EPCAM: variants seen among roughly 807,000 people sequenced by gnomAD.
EPCAM encodes adenocarcinoma-associated antigen.
A neutral mutation model predicts 40.0 loss-of-function variants in EPCAM; 39 were observed. That is an observed-to-expected ratio of 0.98 (90% CI 0.76 to 1.27). The LOEUF (loss-of-function observed/expected upper bound fraction) is 1.27. Among genes scored for constraint, EPCAM ranks in the 50% most tolerant of loss-of-function variants. EPCAM has a pLI of 0.00. For missense variants in EPCAM, 503 were observed against 381.2 expected (o/e 1.32, Z -2.66); for synonymous variants, 168 against 132.3 (o/e 1.27, Z -1.85).
intron 7 of EPCAM, among the ~76,000 whole-genome samples, chr2:47,383,697 C>T (rs375405683): frequency 2.4e-4 from 29 of 119,048 alleles, no homozygotes; most frequent in South Asian, 6.2e-4. Flanking sequence ...TGCAGTGGCA[C>T]GATCTCGGCT....
In EPCAM at chr2:47,376,175, G is replaced by A. The variant is rs546488023; in HGVS notation, c.492-839G>A. The stretch of plus-strand genomic sequence containing the variant: ...TTCTTGGCCTTTCTTTGTCTTCCAT[G>A]AACTTGCTATTTTTAAAGAGCATGG... On this transcript the variant is annotated intron_variant, in intron 4 of 8. Coordinates refer to ENST00000263735, the MANE Select transcript of EPCAM (RefSeq NM_002354.3). Among the ~76,000 whole-genome samples, 6 of 150,652 alleles carry A rather than the reference G, an allele frequency of 4.0e-5. No homozygotes were observed. The East Asian group carries it at 9.8e-4, about 24-fold the overall frequency.
At chr2:47,371,022 A>G (rs1671248189) in intron 1 of EPCAM, among the ~76,000 whole-genome samples, 1 of 151,548 alleles carries the variant, frequency 6.6e-6, no homozygotes, top group Non-Finnish European at 1.5e-5. Context: ...GAATATTTGT[A>G]TTTGTAGAGA....
At chr2:47,380,956 T>A (rs898515579) in intron 7 of EPCAM, among the ~76,000 whole-genome samples, 4 of 151,000 alleles carry the variant, frequency 2.6e-5, no homozygotes, top group African/African-American at 9.8e-5. Flanking sequence ...CTGGGCGTGG[T>A]GGCACATGCC....
chr2:47,384,607 G>A (rs769383975), intron 7 of EPCAM, among the ~76,000 whole-genome samples: 16 of 151,642 alleles, frequency 1.1e-4, no homozygotes, highest in Middle Eastern at 6.8e-3. Context: ...GTAGAGTCGG[G>A]GGGTTTCATC....
chr2:47,373,205 T>TAA (rs777057814), intron 1 of EPCAM, among the ~76,000 whole-genome samples: 1,139 of 64,882 alleles, frequency 0.018, 105 homozygotes, highest in African/African-American at 0.043. Context: ...ACCCTATCTT[T>TAA]AAAAAAAAAA....
Position 47,370,587 on chromosome 2 carries a change from T to G in EPCAM, c.76+1006T>G, listed in dbSNP as rs1671234154. Among the ~76,000 whole-genome samples, 3 of 151,732 alleles carry G rather than the reference T, an allele frequency of 2.0e-5. No homozygotes were observed. The South Asian group carries it at 6.3e-4, about 32-fold the overall frequency. On this transcript the variant is annotated intron_variant, in intron 1 of 8. Transcript: ENST00000263735. ...ACCGTGCCCGGCCTATTTTATTTTT[T>G]TATTTGAAACAGCCTTGTTCTGTCA...
At chr2:47,371,512 G>T in intron 1 of EPCAM, among the ~76,000 whole-genome samples, 1 of 152,214 alleles carries the variant, frequency 6.6e-6, no homozygotes, top group East Asian at 1.9e-4. Flanking sequence ...TTCACCAATG[G>T]AGTGGCCTAA....
At chr2:47,377,685 C>T (rs1036417603) in intron 5 of EPCAM, 12 of 367,492 alleles carry the variant, frequency 3.3e-5, no homozygotes, top group African/African-American at 6.7e-5. Flanking sequence ...GCTCCAGTAA[C>T]ATCTTAAAGT....
At chr2:47,381,408 A>AG (rs1327364050) in intron 7 of EPCAM, among the ~76,000 whole-genome samples, 3 of 151,022 alleles carry the variant, frequency 2.0e-5, no homozygotes, top group African/African-American at 4.9e-5. Context: ...AAAAAAAAAA[A>AG]AAAAGAAATC....
Position 47,375,250 on chromosome 2 carries a change from C to A in EPCAM, c.442C>A (p.Leu148Ile), listed in dbSNP as rs757174928. The change falls in exon 4 of 9, where the codon CTA becomes ATA. Residue 148 changes from leucine to isoleucine, a missense_variant. By Grantham distance (5) the Leu-to-Ile change is conservative. Transcript: ENST00000263735. ...RVRTYWIIIELKHKAREKPYD... is the reference protein window; with the variant it reads ...RVRTYWIIIEIKHKAREKPYD... ...ACTTTATAGCTGGATCATCATTGAA[C>A]TAAAACACAAAGCAAGAGAAAAACC... is the stretch of plus-strand genomic sequence containing the variant. The A allele has an allele frequency of 2.5e-6, 4 of 1,610,768 alleles. No homozygotes were observed. Among genetic ancestry groups the A allele is most frequent in the East Asian group, 2.2e-5 (1 of 44,822 alleles).
intron 7 of EPCAM, among the ~76,000 whole-genome samples, chr2:47,382,102 G>A (rs1671608985): frequency 6.6e-6 from 1 of 151,934 alleles, no homozygotes; most frequent in Admixed American, 6.6e-5. Flanking sequence ...TTAAAATTAA[G>A]CATTTTATAT....
chr2:47,369,511 GC>G lies in EPCAM; in HGVS notation c.11del (p.Pro4ArgfsTer33). The G allele has an allele frequency of 6.4e-7, 1 of 1,553,902 alleles. No individual in the cohort carries two copies. The highest frequency in any genetic ancestry group is 8.6e-7 in the Non-Finnish European group (1 of 1,156,182). The stretch of plus-strand genomic sequence containing the variant: ...CTTCTCGGCGCGCGCGCAGCATGGC[GC>G]CCCCGCAGGTCCTCGCGTTCGGGCT... The part of the protein sequence containing the change: MA[P>X]PQVLAFGLLL... On this transcript the variant is annotated frameshift_variant, in exon 1 of 9. Transcript: ENST00000263735. LOFTEE classifies it high-confidence loss of function.
At chr2:47,386,301 T>G (rs2103770312) in intron 8 of EPCAM, among the ~76,000 whole-genome samples, 1 of 152,330 alleles carries the variant, frequency 6.6e-6, no homozygotes, top group South Asian at 2.1e-4. Context: ...AGTATGCATT[T>G]AATAAAAATC....
intron 7 of EPCAM, among the ~76,000 whole-genome samples, chr2:47,383,607 CTTTTTTTTTTTTTTTTTTTTTT>C (rs760722807): frequency 1.2e-3 from 45 of 36,454 alleles, no homozygotes; most frequent in South Asian, 2.2e-3. Context: ...CCGGCTTCTT[CTTTTTTTTTTTTTTTTTTTTTT>C]TTTTTTTTTT....
chr2:47,376,043 A>T (rs1274722327), intron 4 of EPCAM, among the ~76,000 whole-genome samples: 2 of 151,952 alleles, frequency 1.3e-5, no homozygotes, highest in Non-Finnish European at 1.5e-5. Flanking sequence ...CCATTTTCCC[A>T]ATATTGTCCT....
At chr2:47,369,921 C>G (rs532962286) in intron 1 of EPCAM, 3 of 424,524 alleles carry the variant, frequency 7.1e-6, no homozygotes, top group Admixed American at 3.2e-5. Flanking sequence ...CACCCACGTC[C>G]TCGGTTCGGG....
In EPCAM at chr2:47,375,299, C is replaced by T. The variant is rs587780767; in HGVS notation, c.491C>T (p.Thr164Ile). The T allele has an allele frequency of 1.7e-5, 27 of 1,603,128 alleles. No individual in the cohort carries two copies. Among genetic ancestry groups the T allele is most frequent in the African/African-American group, 4.0e-5 (3 of 74,678 alleles). Residue 164 changes from threonine to isoleucine, a missense_variant and splice_region_variant, in exon 4 of 9, where the codon ACT (threonine) becomes ATT (isoleucine). By Grantham distance (89) the Thr-to-Ile change is moderately conservative. Coordinates refer to ENST00000263735, the MANE Select transcript of EPCAM (RefSeq NM_002354.3). ...EKPYDSKSLR[T>I]ALQKEITTRY... ...CCTTATGATAGTAAAAGTTTGCGGACGTAAGTGCAATTAAATGCATCATAT... is the reference window on the plus strand; with the variant it reads ...CCTTATGATAGTAAAAGTTTGCGGATGTAAGTGCAATTAAATGCATCATAT...
intron 7 of EPCAM, chr2:47,383,305 GAAAAAAA>G: frequency 8.1e-6 from 1 of 123,598 alleles, no homozygotes; most frequent in Non-Finnish European, 1.7e-5. Context: ...GACTCCATCT[GAAAAAAA>G]AAAAAAAAAG....
At position 47,386,695 on chromosome 2, in the gene EPCAM, C is replaced by A. The variant is rs2103771169; in HGVS notation, c.*82C>A. The A allele has an allele frequency of 9.5e-7, 1 of 1,053,770 alleles. No individual in the cohort carries two copies. Among genetic ancestry groups the A allele is most frequent in the Non-Finnish European group, 1.5e-6 (1 of 675,650 alleles). The allele number at this position is 1,053,770 out of a possible 1,614,324, so 65.3% of individuals were successfully genotyped here. A position where few individuals can be genotyped will look rare whatever the true frequency, so the allele number is the denominator to read the frequency against. On this transcript the variant is annotated 3_prime_UTR_variant, in exon 9 of 9. Coordinates refer to ENST00000263735, the MANE Select transcript of EPCAM (RefSeq NM_002354.3). ...ATGTGTGTGCGTGGGACGAAGACAT[C>A]TTTGAAGGTCATGAGTTTGTTAGTT...
Sources: allele counts gnomAD v4.1 joint callset (sites outside exome capture counted in the v4.1 genomes callset), GRCh38; gene constraint gnomAD v4.1.1; transcripts MANE v1.5; gene names NCBI Gene and HGNC (gene_info 2026-07-23, HGNC 2026-07-21).